ADK: variants seen among roughly 807,000 people sequenced by gnomAD.
ADK encodes the protein adenosine kinase.
A neutral mutation model predicts 44.7 loss-of-function variants in ADK; 24 were observed. The ratio of observed to expected loss-of-function variants is 0.54; its 90% CI spans 0.39 to 0.76. The LOEUF (loss-of-function observed/expected upper bound fraction) is 0.76. ADK is among the 30% of genes least tolerant of loss of function. The probability of loss-of-function intolerance (pLI) is 0.00; values close to 1 mark genes in which losing one functional copy is unlikely to be tolerated. For synonymous variants in ADK, 128 were observed against 142.6 expected (o/e 0.90, Z 0.73); for missense variants, 321 against 425.1 (o/e 0.76, Z 2.15).
chr10:74,441,203 A>G (rs973205515), intron 6 of ADK, among the ~76,000 whole-genome samples: 1 of 152,240 alleles, frequency 6.6e-6, no homozygotes, highest in Non-Finnish European at 1.5e-5. Context: ...TAGCCATCAG[A>G]CAGTGGCATA....
At chr10:74,352,931 T>G (rs971228695) in intron 4 of ADK, among the ~76,000 whole-genome samples, 2 of 152,214 alleles carry the variant, frequency 1.3e-5, no homozygotes. Flanking sequence ...CTGTTGAGGT[T>G]GTGGAGCAAT....
In ADK at chr10:74,555,417, G is replaced by C. The variant is rs190084374; in HGVS notation, c.726+29991G>C. Reference sequence around the variant, plus strand: ...ATAAGCCAGAATTATAGATGGAAGTGGGGGAGAGAGAGAATTGTCAGAAAA... The same window carrying C: ...ATAAGCCAGAATTATAGATGGAAGTCGGGGAGAGAGAGAATTGTCAGAAAA... On this transcript the variant is annotated intron_variant, in intron 7 of 10. Coordinates refer to ENST00000539909, the MANE Select transcript of ADK (RefSeq NM_006721.4). 3.3e-5 allele frequency among the ~76,000 whole-genome samples: 5 copies of C among 152,218 alleles called. No individual in the cohort carries two copies. In the East Asian group the frequency reaches 7.7e-4, roughly 23 times the overall value.
chr10:74,251,017 C>T (rs1845632867), intron 3 of ADK, among the ~76,000 whole-genome samples: 1 of 152,178 alleles, frequency 6.6e-6, no homozygotes, highest in Non-Finnish European at 1.5e-5. Context: ...GCTAGGATTA[C>T]AAGCATGAGC....
intron 3 of ADK, among the ~76,000 whole-genome samples, chr10:74,295,564 A>T (rs1187002872): frequency 6.6e-6 from 1 of 151,920 alleles, no homozygotes; most frequent in Non-Finnish European, 1.5e-5. Context: ...TCATTCTTTA[A>T]ATGGTGTCTT....
At chr10:74,442,929 T>G (rs1249677789) in intron 6 of ADK, among the ~76,000 whole-genome samples, 1 of 152,164 alleles carries the variant, frequency 6.6e-6, no homozygotes, top group Non-Finnish European at 1.5e-5. Context: ...ATAGATACTG[T>G]GTGATCTCAT....
chr10:74,451,643 C>CA (rs1341022014), intron 6 of ADK, among the ~76,000 whole-genome samples: 2 of 152,212 alleles, frequency 1.3e-5, no homozygotes, highest in Middle Eastern at 3.4e-3. Flanking sequence ...GGTGGGAAAG[C>CA]ATATATGTAG....
intron 6 of ADK, among the ~76,000 whole-genome samples, chr10:74,462,922 A>G (rs1325890952): frequency 6.6e-6 from 1 of 152,164 alleles, no homozygotes; most frequent in African/African-American, 2.4e-5. Flanking sequence ...AATAAACATG[A>G]AAGTTTTAGC....
In ADK at chr10:74,168,940, T is replaced by C. The variant is rs114588176; in HGVS notation, c.65+17597T>C. The stretch of plus-strand genomic sequence containing the variant: ...TAAGGAAAATCTTTTAGATAGAAAA[T>C]ATAGGACCGGTGTGGTGGCTCATGC... On this transcript the variant is annotated intron_variant, in intron 1 of 10. Transcript: ENST00000539909. Among the ~76,000 whole-genome samples the C allele has an allele frequency of 4.7e-3, 717 of 151,994 alleles. 2 individuals carry two copies. Among genetic ancestry groups the C allele is most frequent in the African/African-American group, 0.016 (678 of 41,466 alleles).
intron 6 of ADK, among the ~76,000 whole-genome samples, chr10:74,402,704 C>G (rs773274034): frequency 3.3e-5 from 5 of 152,128 alleles, no homozygotes; most frequent in South Asian, 4.1e-4. Context: ...TCCTTTAGCT[C>G]GGAGAAGTTT....
intron 3 of ADK, among the ~76,000 whole-genome samples, chr10:74,299,054 G>C (rs1839912392): frequency 1.3e-5 from 2 of 152,220 alleles, no homozygotes; most frequent in Non-Finnish European, 2.9e-5. Flanking sequence ...CCAATGCTGA[G>C]TTTGAAGTGA....
chr10:74,618,350 G>A (rs1319727933), intron 9 of ADK, among the ~76,000 whole-genome samples: 1 of 152,104 alleles, frequency 6.6e-6, no homozygotes, highest in East Asian at 1.9e-4. Context: ...GAGTGCAGTG[G>A]TGTGATCTCA....
At chr10:74,300,287 C>CTTCCTTCCTTCCTTCT (rs1839971963) in intron 3 of ADK, among the ~76,000 whole-genome samples, 5 of 82,600 alleles carry the variant, frequency 6.1e-5, no homozygotes, top group South Asian at 4.5e-4. Context: ...TCCTTCCTTC[C>CTTCCTTCCTTCCTTCT]TTCCTTCCTT....
At chr10:74,257,713 TAGTA>T (rs1564620608) in intron 3 of ADK, among the ~76,000 whole-genome samples, 1 of 152,204 alleles carries the variant, frequency 6.6e-6, no homozygotes. Context: ...TATTTATTGA[TAGTA>T]AATTAGATTT....
At chr10:74,436,391 A>G (rs1845179328) in intron 6 of ADK, among the ~76,000 whole-genome samples, 1 of 152,120 alleles carries the variant, frequency 6.6e-6, no homozygotes, top group Non-Finnish European at 1.5e-5. Flanking sequence ...TGGAAATCAT[A>G]AGGAATAGAA....
At chr10:74,594,656 AAAGATAC>A (rs1479942062) in intron 8 of ADK, among the ~76,000 whole-genome samples, 1 of 146,228 alleles carries the variant, frequency 6.8e-6, no homozygotes, top group Non-Finnish European at 1.5e-5. Flanking sequence ...TCTTCAATTC[AAAGATAC>A]AAATAGGTAA....
At chr10:74,236,803 A>G (rs1027951876) in intron 3 of ADK, among the ~76,000 whole-genome samples, 2 of 152,248 alleles carry the variant, frequency 1.3e-5, no homozygotes, top group African/African-American at 4.8e-5. Flanking sequence ...TGTATACAAT[A>G]ACATTGTGTA....
chr10:74,213,209 G>A (rs931695888), intron 2 of ADK, among the ~76,000 whole-genome samples: 17 of 152,022 alleles, frequency 1.1e-4, no homozygotes, highest in Non-Finnish European at 1.9e-4. Flanking sequence ...AGGCTTAAGC[G>A]ATTCTCTTAC....
rs111940454 is a variant in ADK, at chr10:74,283,269, T to G, written c.195-31398T>G. Among the ~76,000 whole-genome samples, 799 of 152,188 alleles carry G rather than the reference T, an allele frequency of 5.3e-3. 12 individuals carry two copies. The highest frequency in any genetic ancestry group is 0.017 in the African/African-American group (726 of 41,536). On this transcript the variant is annotated intron_variant, in intron 3 of 10. Coordinates refer to ENST00000539909, the MANE Select transcript of ADK (RefSeq NM_006721.4). ...TTTGATCAACTGTTTTTTAGGACTA[T>G]GTTCTGAACCTACTTCCTACCCAGG... is the stretch of plus-strand genomic sequence containing the variant.
chr10:74,207,218 G>A (rs1325653980), intron 2 of ADK, among the ~76,000 whole-genome samples: 1 of 152,162 alleles, frequency 6.6e-6, no homozygotes, highest in Admixed American at 6.5e-5. Flanking sequence ...ATATGGTGGT[G>A]CCCAGAAGCT....
Sources: gnomAD v4.1 joint callset for allele counts (sites outside exome capture counted in the v4.1 genomes callset) on GRCh38, gnomAD v4.1.1 for gene constraint, MANE v1.5 for transcripts, NCBI Gene and HGNC (gene_info 2026-07-23, HGNC 2026-07-21) for gene names.